Variants in DAAM2 observed in about 807,000 individuals in gnomAD.
DAAM2 encodes the protein dishevelled associated activator of morphogenesis 2, also known as disheveled-associated activator of morphogenesis 2.
DAAM2 carries 39 observed loss-of-function variants against 120.7 expected under a neutral mutation model. That is an observed-to-expected ratio of 0.32 (90% CI 0.25 to 0.42). The LOEUF is 0.42. Among genes scored for constraint, DAAM2 ranks in the 10% least tolerant of loss-of-function variants. DAAM2 has a pLI of 1.00. For missense variants in DAAM2, 1,283 were observed against 1,401.7 expected (o/e 0.92, Z 1.35); for synonymous variants, 488 against 524.9 (o/e 0.93, Z 0.96).
chr6:39,865,227 C>T (rs548162711), intron 5 of DAAM2, among the ~76,000 whole-genome samples, 153 bp downstream of exon 5: 1 of 152,352 alleles, frequency 6.6e-6, no homozygotes, highest in Admixed American at 6.5e-5. Flanking sequence ...TACTCCTCTC[C>T]TGGGAGGCTG....
At chr6:39,894,587 AGTTTT>A (rs1765955851) in intron 19 of DAAM2, among the ~76,000 whole-genome samples, 2 of 137,846 alleles carry the variant, frequency 1.5e-5, no homozygotes, top group Admixed American at 8.4e-5. Context: ...CTGCTAGTTT[AGTTTT>A]ATCGGTTTTG....
intron 1 of DAAM2, among the ~76,000 whole-genome samples, chr6:39,853,019 T>C (rs1763871634): frequency 6.6e-6 from 1 of 152,128 alleles, no homozygotes; most frequent in Non-Finnish European, 1.5e-5. Flanking sequence ...GCTATGGCTA[T>C]GGGGGAGCTG....
intron 1 of DAAM2, among the ~76,000 whole-genome samples, chr6:39,816,530 G>A (rs1762315170): frequency 6.6e-6 from 1 of 152,210 alleles, no homozygotes; most frequent in Non-Finnish European, 1.5e-5. Flanking sequence ...ATTGCCAAAT[G>A]TCTCTGGGGG....
chr6:39,870,189 C>G (rs1764599624), intron 7 of DAAM2, 151 bp from the exon 8 acceptor site: 2 of 616,230 alleles, frequency 3.2e-6, no homozygotes, highest in Non-Finnish European at 5.9e-6. Flanking sequence ...TCCATTCTTT[C>G]TTGGAACTCT....
intron 1 of DAAM2, among the ~76,000 whole-genome samples, chr6:39,850,447 C>T (rs1467986351): frequency 6.6e-6 from 1 of 152,182 alleles, no homozygotes; most frequent in Admixed American, 6.5e-5. Context: ...ACTGCCTGGA[C>T]TCTCCTTGCT....
Position 39,902,093 on chromosome 6 carries a change from T to C in DAAM2, c.*56T>C. The C allele has an allele frequency of 6.9e-7, 1 of 1,443,574 alleles. No homozygotes were observed. The highest frequency in any genetic ancestry group is 9.5e-7 in the Non-Finnish European group (1 of 1,052,224). 89.4% of individuals were successfully genotyped at this position (1,443,574 alleles called of 1,614,324 possible). On this transcript the variant is annotated 3_prime_UTR_variant, in exon 25 of 25. Transcript: ENST00000274867. Reference sequence around the variant, plus strand: ...AGACAGGGACTGGTGAGAATGGGGCTGAGTGGAGGAGGTGGTGATATTTAA... The same window carrying C: ...AGACAGGGACTGGTGAGAATGGGGCCGAGTGGAGGAGGTGGTGATATTTAA...
chr6:39,901,446 G>T lies in DAAM2; in HGVS notation c.2956G>T (p.Glu986Ter). ...EAMRRRKEEE[E>*]RRARMEAMLK... is the part of the protein sequence containing the mutation. ...CATGAGGAGGAGGAAGGAGGAGGAG[G>T]AGCGGCGGGCGCGCATGGAAGCCAT... is the stretch of plus-strand genomic sequence containing the variant. Residue 986 changes from glutamate (E) to a stop codon, truncating the protein, a stop_gained, in exon 24 of 25, where the codon GAG becomes TAG. Transcript: ENST00000274867. LOFTEE classifies it high-confidence loss of function. This position sits in a 1 kb window ranked among gnomAD's most constrained non-coding sequence, Gnocchi z 4.5. The T allele has an allele frequency of 6.2e-7, 1 of 1,611,164 alleles. No homozygotes were observed.
In DAAM2 at chr6:39,875,461, G is replaced by C. The variant is rs757546813; in HGVS notation, c.1294G>C (p.Val432Leu). 6.2e-7 allele frequency: 1 copy of C among 1,613,316 alleles called. No individual in the cohort carries two copies. The change falls in exon 11 of 25, where the codon GTC (valine) becomes CTC (leucine). Residue 432 changes from valine to leucine, a missense_variant. This residue lies in a region of DAAM2 where 338 missense variants were observed against 443.9 expected (regional missense o/e 0.76). Transcript: ENST00000274867. ...PLENFNVKNI[V>L]NMLINENEVK... is the part of the protein sequence containing the mutation. Reference sequence around the variant, plus strand: ...GGAGAACTTCAATGTCAAGAACATCGTCAACATGTGAGCAGTGGCCAGCCT... The same window carrying C: ...GGAGAACTTCAATGTCAAGAACATCCTCAACATGTGAGCAGTGGCCAGCCT...
chr6:39,833,296 G>C (rs1488957909), intron 1 of DAAM2, among the ~76,000 whole-genome samples: 2 of 148,206 alleles, frequency 1.3e-5, no homozygotes, highest in Non-Finnish European at 3.0e-5. Context: ...GCTTTGCTTT[G>C]CTCCCTCCCT....
chr6:39,898,533 A>G (rs746308884), intron 21 of DAAM2, among the ~76,000 whole-genome samples: 7 of 152,232 alleles, frequency 4.6e-5, no homozygotes, highest in African/African-American at 7.2e-5. Flanking sequence ...TGCTTGCAGG[A>G]TCACATAAAG....
rs140577716 is a variant in DAAM2 at position 39,805,715 on chromosome 6, C to T, written c.-57+13250C>T. On this transcript the variant is annotated intron_variant, in intron 1 of 24. Transcript: ENST00000274867. ...GACTACAGGCACCCACCACCACACCCGGCTAATTTTTTGTATTTTAGTAGA... is the reference window on the plus strand; with the variant it reads ...GACTACAGGCACCCACCACCACACCTGGCTAATTTTTTGTATTTTAGTAGA... Among the ~76,000 whole-genome samples the T allele has an allele frequency of 2.7e-3, 412 of 152,090 alleles. 3 individuals are homozygous for T. Among genetic ancestry groups the T allele is most frequent in the African/African-American group, 9.3e-3 (384 of 41,468 alleles).
In DAAM2 at chr6:39,804,522, CTGTGTG is replaced by C. The variant is rs10688621; in HGVS notation, c.-57+12083_-57+12088del. Among the ~76,000 whole-genome samples, 571 of 149,406 alleles carry C rather than the reference CTGTGTG, an allele frequency of 3.8e-3. 4 individuals are homozygous for C. Among genetic ancestry groups the C allele is most frequent in the African/African-American group, 0.012 (481 of 40,680 alleles). ...ACTGGTCCAGAAAGAGAGATCAGTTCTGTGTGTGTGTGTGTGTGTGTGTGTGTGTGT... is the reference window on the plus strand; with the variant it reads ...ACTGGTCCAGAAAGAGAGATCAGTTCTGTGTGTGTGTGTGTGTGTGTGTGT... On this transcript the variant is annotated intron_variant, in intron 1 of 24. Transcript: ENST00000274867.
intron 14 of DAAM2, among the ~76,000 whole-genome samples, chr6:39,883,247 A>G (rs1765217044): frequency 6.6e-6 from 1 of 150,700 alleles, no homozygotes; most frequent in South Asian, 2.1e-4. Context: ...AGGGTCCTAC[A>G]CAGAGATGGG....
chr6:39,875,275 G>T, intron 10 of DAAM2, 55 bp from the exon 11 acceptor site: 2 of 1,576,020 alleles, frequency 1.3e-6, no homozygotes, highest in East Asian at 2.3e-5. Context: ...CTCTAGGGTG[G>T]GGCCCAAGGG....
intron 1 of DAAM2, among the ~76,000 whole-genome samples, chr6:39,852,440 G>C (rs1201009127): frequency 6.6e-6 from 1 of 152,198 alleles, no homozygotes; most frequent in Non-Finnish European, 1.5e-5. Context: ...GAGGAAGGCA[G>C]AGCTGGGTGA....
chr6:39,900,447 C>T (rs1034416091), intron 23 of DAAM2, among the ~76,000 whole-genome samples: 2 of 152,218 alleles, frequency 1.3e-5, no homozygotes, highest in Admixed American at 6.5e-5. Flanking sequence ...TCACCACCTA[C>T]CTTATGGGTT....
At chr6:39,883,842 C>G (rs1765247738) in intron 14 of DAAM2, 120 bp from the exon 15 acceptor site, 2 of 679,602 alleles carry the variant, frequency 2.9e-6, no homozygotes, top group African/African-American at 1.8e-5. Context: ...TTCTGAAGGT[C>G]TGAAATCCTG....
intron 1 of DAAM2, among the ~76,000 whole-genome samples, chr6:39,799,841 G>C (rs1334546681): frequency 6.6e-6 from 1 of 152,140 alleles, no homozygotes. Context: ...GGTAATTAAT[G>C]TTAATAGCCT....
In DAAM2 at chr6:39,856,453, C is replaced by T. The variant is rs780412197; in HGVS notation, c.151C>T (p.Arg51Cys). 18 of 1,463,050 alleles carry T rather than the reference C, an allele frequency of 1.2e-5. No individual in the cohort carries two copies. Among genetic ancestry groups the T allele is most frequent in the Middle Eastern group, 1.8e-4 (1 of 5,556 alleles). The allele number at this position is 1,463,050 out of a possible 1,614,324, so 90.6% of individuals were successfully genotyped here. A position where few individuals can be genotyped will look rare whatever the true frequency, so the allele number is the denominator to read the frequency against. ...CCCGAACGCAGAGGAGCTCAACATC[C>T]GCTTTGCAGAGCTGGTGGTCAGTGA... ...PIPNAEELNI[R>C]FAELVDELDL... The change falls in exon 2 of 25, where the codon CGC becomes TGC. Residue 51 changes from arginine to cysteine, a missense_variant. Around this residue, in one of 3 missense-constraint regions of DAAM2, gnomAD observed 197 missense variants for 189.3 expected, o/e 1.04. Transcript: ENST00000274867.
Sources: gnomAD v4.1 joint callset for allele counts (sites outside exome capture counted in the v4.1 genomes callset) on GRCh38, gnomAD v4.1.1 for gene constraint, gnomAD v4.1.1 regional missense constraint, Gnocchi (gnomAD v3.1) non-coding constraint, MANE v1.5 for transcripts, NCBI Gene and HGNC (gene_info 2026-07-23, HGNC 2026-07-21) for gene names.